Variants in SEMA6A observed in about 807,000 individuals in gnomAD.
SEMA6A encodes the protein semaphorin-6A.
In SEMA6A, 25 loss-of-function variants were observed where a neutral mutation model predicts 96.8. The ratio of observed to expected loss-of-function variants is 0.26; its 90% CI spans 0.19 to 0.36. The LOEUF (loss-of-function observed/expected upper bound fraction) is 0.36, where lower values mean the gene tolerates loss of function less well. SEMA6A is among the 10% of genes least tolerant of loss of function. The pLI is 1.00. For synonymous variants in SEMA6A, 612 were observed against 518.0 expected, an observed-to-expected ratio of 1.18 and a Z score of -2.46; for missense variants, 1,363 against 1,323.1, an observed-to-expected ratio of 1.03 and a Z score of -0.47.
intron 3 of SEMA6A, among the ~76,000 whole-genome samples, chr5:116,500,936 C>T (rs937230659): frequency 6.6e-6 from 1 of 151,962 alleles, no homozygotes; most frequent in Non-Finnish European, 1.5e-5. Flanking sequence ...AACCCTGGTG[C>T]GGGGGAGGAG....
chr5:116,458,132 A>T (rs1755134496), intron 18 of SEMA6A, among the ~76,000 whole-genome samples: 1 of 152,182 alleles, frequency 6.6e-6, no homozygotes, highest in African/African-American at 2.4e-5. Flanking sequence ...GGCTATCAGA[A>T]AGAAAGGTCT....
intron 18 of SEMA6A, among the ~76,000 whole-genome samples, chr5:116,458,721 G>A (rs1269960221): frequency 6.6e-6 from 1 of 152,106 alleles, no homozygotes; most frequent in Non-Finnish European, 1.5e-5. Context: ...CTACATGGCT[G>A]ACATTTAACT....
intron 10 of SEMA6A, among the ~76,000 whole-genome samples, chr5:116,483,726 T>C (rs534039164): frequency 6.6e-6 from 1 of 152,306 alleles, no homozygotes; most frequent in South Asian, 2.1e-4. Flanking sequence ...TAAATGCTTA[T>C]AAATTTATAC....
intron 1 of SEMA6A, among the ~76,000 whole-genome samples, chr5:116,525,446 T>C (rs1759178970): frequency 6.6e-6 from 1 of 152,222 alleles, no homozygotes; most frequent in Non-Finnish European, 1.5e-5. Flanking sequence ...TGAGTTTCAC[T>C]GGAAACTCAA....
At chr5:116,567,083 A>G (rs140493623) in intron 1 of SEMA6A, among the ~76,000 whole-genome samples, 126 of 152,318 alleles carry the variant, frequency 8.3e-4, no homozygotes, top group African/African-American at 3.0e-3. Flanking sequence ...AATAAGTGAT[A>G]GCTATCATTT....
At chr5:116,519,194 T>G (rs1318192294) in intron 1 of SEMA6A, among the ~76,000 whole-genome samples, 5 of 152,204 alleles carry the variant, frequency 3.3e-5, no homozygotes, top group African/African-American at 1.2e-4. Context: ...GCTGGAACAC[T>G]GCTCCACTAT....
At chr5:116,530,622 C>T (rs949559559) in intron 1 of SEMA6A, among the ~76,000 whole-genome samples, 2 of 151,850 alleles carry the variant, frequency 1.3e-5, no homozygotes, top group East Asian at 3.9e-4. Flanking sequence ...ACTCATATTG[C>T]GTTCATGGGT....
intron 3 of SEMA6A, among the ~76,000 whole-genome samples, chr5:116,499,523 G>C (rs1262522048): frequency 6.6e-6 from 1 of 152,140 alleles, no homozygotes; most frequent in Admixed American, 6.5e-5. Flanking sequence ...TAAAATTAAA[G>C]TGAATTAAAG....
chr5:116,452,609 T>G (rs1754710842), intron 18 of SEMA6A, among the ~76,000 whole-genome samples: 1 of 152,144 alleles, frequency 6.6e-6, no homozygotes, highest in Non-Finnish European at 1.5e-5. Context: ...CCCAATACAA[T>G]TCTGACTTTT....
intron 4 of SEMA6A, 76 bp from the exon 5 acceptor site, chr5:116,496,389 G>C: frequency 1.6e-6 from 2 of 1,272,480 alleles, no homozygotes; most frequent in Non-Finnish European, 2.3e-6. Context: ...AGTTCCCTTG[G>C]GGAGACTAAA....
intron 18 of SEMA6A, among the ~76,000 whole-genome samples, chr5:116,453,960 C>T (rs1268020951): frequency 6.6e-6 from 1 of 152,154 alleles, no homozygotes; most frequent in African/African-American, 2.4e-5. Context: ...CTCACCCCCA[C>T]CCCAATTACC....
chr5:116,547,814 G>A (rs750590860), intron 1 of SEMA6A, among the ~76,000 whole-genome samples: 1 of 149,146 alleles, frequency 6.7e-6, no homozygotes, highest in Admixed American at 6.7e-5. Context: ...TGCAAATAAG[G>A]AAGGAACATG....
chr5:116,467,848 CTG>C, intron 17 of SEMA6A, 101 bp from the exon 18 acceptor site: 1 of 1,233,826 alleles, frequency 8.1e-7, no homozygotes, highest in Non-Finnish European at 1.1e-6. Context: ...GGCTGTAAGA[CTG>C]AGAGGAGATG....
intron 1 of SEMA6A, among the ~76,000 whole-genome samples, chr5:116,556,393 C>G: frequency 6.6e-6 from 1 of 152,256 alleles, no homozygotes; most frequent in East Asian, 1.9e-4. Context: ...CTGCTGGTGA[C>G]AAAAACATTG....
At chr5:116,452,408 T>C (rs26602) in intron 18 of SEMA6A, among the ~76,000 whole-genome samples, 102,923 of 150,760 alleles carry the variant, frequency 0.68, 37,046 homozygotes, top group Non-Finnish European at 0.8. Flanking sequence ...TGAGAAAGAA[T>C]AGAATCTCCA....
intron 5 of SEMA6A, chr5:116,495,733 T>C (rs1471290524): frequency 2.5e-5 from 12 of 481,972 alleles, no homozygotes; most frequent in Non-Finnish European, 3.7e-5. Flanking sequence ...GAATGGAAGA[T>C]TGTGTGTTTA....
chr5:116,477,274 T>C (rs1231615656), intron 15 of SEMA6A, among the ~76,000 whole-genome samples: 4 of 151,866 alleles, frequency 2.6e-5, no homozygotes, highest in African/African-American at 9.7e-5. Flanking sequence ...ATAGGCATGG[T>C]GGACTGGCCT....
intron 6 of SEMA6A, 82 bp downstream of exon 6, chr5:116,495,330 CT>C (rs1757539503): frequency 2.1e-6 from 2 of 971,820 alleles, no homozygotes; most frequent in East Asian, 5.2e-5. Flanking sequence ...TGAATTACCC[CT>C]CTTAGGTTGC....
rs752168275 is a variant in SEMA6A at position 116,473,057 on chromosome 5, G to A, written c.1729+16C>T. ...TTTCCACCAGTATGGAATTATGAGAGTAATATCTTCCTTACCATTCAGTGC... is the reference window on the plus strand; with the variant it reads ...TTTCCACCAGTATGGAATTATGAGAATAATATCTTCCTTACCATTCAGTGC... On this transcript the variant is annotated intron_variant, in intron 17 of 18. Coordinates refer to ENST00000343348, the MANE Select transcript of SEMA6A (RefSeq NM_020796.5). The A allele has an allele frequency of 5.7e-6, 9 of 1,588,754 alleles. No homozygotes were observed. Among genetic ancestry groups the A allele is most frequent in the Admixed American group, 1.8e-5 (1 of 56,638 alleles).
Sources: allele counts gnomAD v4.1 joint callset (sites outside exome capture counted in the v4.1 genomes callset), GRCh38; gene constraint gnomAD v4.1.1; transcripts MANE v1.5; gene names NCBI Gene and HGNC (gene_info 2026-07-23, HGNC 2026-07-21).